MCM5: variants seen among roughly 807,000 people sequenced by gnomAD.
MCM5 encodes minichromosome maintenance complex component 5.
A neutral mutation model predicts 79.9 loss-of-function variants in MCM5; 46 were observed. The observed-to-expected ratio is 0.58, with a 90% CI of 0.45 to 0.74. MCM5 has a LOEUF of 0.74. Ranked by LOEUF, MCM5 falls within the 30% of genes least tolerant of loss-of-function variation. MCM5 has a pLI of 0.00. For missense variants in MCM5, 883 were observed against 1,017.0 expected (o/e 0.87, Z 1.79); for synonymous variants, 404 against 390.5 (o/e 1.03, Z -0.41).
the MCM5 span, among the ~76,000 whole-genome samples, chr22:35,432,458 G>A: frequency 3.9e-5 from 6 of 152,186 alleles, no homozygotes; most frequent in Non-Finnish European, 8.8e-5. Context: ...TTCTGTTCAC[G>A]GCCCCCACAC....
chr22:35,435,932 C>T, the MCM5 span, among the ~76,000 whole-genome samples: 2 of 152,052 alleles, frequency 1.3e-5, no homozygotes, highest in South Asian at 2.1e-4. Context: ...TTTGGGAGGC[C>T]GAGGCGGGCG....
intron 5 of MCM5, 69 bp downstream of exon 5, chr22:35,406,794 A>G (rs1932232140): frequency 1.3e-6 from 2 of 1,518,116 alleles, no homozygotes; most frequent in East Asian, 4.5e-5. Flanking sequence ...GAGAACAAGT[A>G]GCAAGCACTG....
the MCM5 span, among the ~76,000 whole-genome samples, chr22:35,448,053 T>TC: frequency 6.6e-6 from 1 of 152,126 alleles, no homozygotes; most frequent in Non-Finnish European, 1.5e-5. Context: ...TGGGGAACTG[T>TC]CCCCTCCTCC....
At chr22:35,421,127 CA>C (rs133430) in intron 14 of MCM5, among the ~76,000 whole-genome samples, 190 bp from the exon 15 acceptor site, 7,121 of 88,832 alleles carry the variant, frequency 0.08, 401 homozygotes, top group African/African-American at 0.26. Flanking sequence ...GACTTTGTCT[CA>C]AAAAAAAAAA....
intron 9 of MCM5, among the ~76,000 whole-genome samples, chr22:35,414,422 C>A (rs1932479585): frequency 6.6e-6 from 1 of 152,060 alleles, no homozygotes; most frequent in Non-Finnish European, 1.5e-5. Flanking sequence ...GAGTTTGAGA[C>A]CAGCCTGGAC....
chr22:35,408,667 G>C, intron 6 of MCM5, 104 bp downstream of exon 6: 2 of 1,253,058 alleles, frequency 1.6e-6, no homozygotes, highest in African/African-American at 3.0e-5. Context: ...GGGTGAGTAG[G>C]GTGGAGAAGG....
At chr22:35,409,090 G>T (rs1250325949) in intron 6 of MCM5, among the ~76,000 whole-genome samples, 1 of 152,196 alleles carries the variant, frequency 6.6e-6, no homozygotes, top group East Asian at 1.9e-4. Context: ...AGCCTCCCGA[G>T]TAGCTGGGAC....
chr22:35,404,555 C>T (rs1208412650), intron 4 of MCM5, among the ~76,000 whole-genome samples: 1 of 152,126 alleles, frequency 6.6e-6, no homozygotes, highest in African/African-American at 2.4e-5. Context: ...ACATACCGGG[C>T]AAGAACGCTT....
intron 6 of MCM5, chr22:35,410,021 C>T (rs913469511): frequency 1.3e-5 from 2 of 152,524 alleles, no homozygotes; most frequent in African/African-American, 4.8e-5. Context: ...CATGGAGTGA[C>T]GGTGATGGTC....
Position 35,421,357 on chromosome 22 carries a change from C to G in MCM5, c.1872C>G (p.Ser624Arg). 6.2e-7 allele frequency: 1 copy of G among 1,614,018 alleles called. No individual in the cohort carries two copies. Among genetic ancestry groups the G allele is most frequent in the Non-Finnish European group, 8.5e-7 (1 of 1,180,036 alleles). The change falls in exon 15 of 17, where the codon AGC becomes AGG. Residue 624 changes from serine to arginine, a missense_variant. Around this residue, in one of 3 missense-constraint regions of MCM5, gnomAD observed 426 missense variants for 482.3 expected, o/e 0.88. Coordinates refer to ENST00000216122, the MANE Select transcript of MCM5 (RefSeq NM_006739.4). ...TTGTGCGCATCGCGGAAGCCCTCAG[C>G]AAGATGAAGCTGCAGCCCTTCGCCA... Reference protein sequence around the residue: ...EAIVRIAEALSKMKLQPFATE... With the variant: ...EAIVRIAEALRKMKLQPFATE...
At chr22:35,438,260 C>G in the MCM5 span, among the ~76,000 whole-genome samples, 1 of 129,468 alleles carries the variant, frequency 7.7e-6, no homozygotes, top group Non-Finnish European at 1.7e-5. Context: ...TCCACCCACC[C>G]ACCCACCCAC....
At chr22:35,440,483 G>A in the MCM5 span, among the ~76,000 whole-genome samples, 2 of 152,196 alleles carry the variant, frequency 1.3e-5, no homozygotes, top group African/African-American at 4.8e-5. Flanking sequence ...GGTATGCCAG[G>A]TGCTACAGGG....
chr22:35,418,934 C>T (rs1448688901), intron 13 of MCM5, among the ~76,000 whole-genome samples: 2 of 152,214 alleles, frequency 1.3e-5, no homozygotes, highest in African/African-American at 4.8e-5. Flanking sequence ...CTGCTTGCCT[C>T]CAGAGGCTGT....
chr22:35,439,494 C>T, the MCM5 span, among the ~76,000 whole-genome samples: 1 of 143,476 alleles, frequency 7.0e-6, no homozygotes, highest in Non-Finnish European at 1.5e-5. Flanking sequence ...CATCCATCCA[C>T]CCGCCCACAT....
chr22:35,453,746 GAGAC>G, the MCM5 span, among the ~76,000 whole-genome samples: 86,079 of 143,344 alleles, frequency 0.6, 26,449 homozygotes, highest in Middle Eastern at 0.69. Flanking sequence ...GAGTGAATCA[GAGAC>G]AGACAGACAG....
intron 10 of MCM5, 99 bp downstream of exon 10, chr22:35,416,071 CAT>C: frequency 2.1e-6 from 3 of 1,451,264 alleles, no homozygotes; most frequent in African/African-American, 1.4e-5. Flanking sequence ...ACTTGGGAGA[CAT>C]GTTTTCAATC....
the MCM5 span, among the ~76,000 whole-genome samples, chr22:35,438,592 C>CACCCACCCACAT: frequency 3.8e-5 from 5 of 129,986 alleles, no homozygotes; most frequent in African/African-American, 1.7e-4. Flanking sequence ...TCCATCCATC[C>CACCCACCCACAT]ATGCATCCAC....
At chr22:35,436,168 A>AG in the MCM5 span, among the ~76,000 whole-genome samples, 1 of 110,590 alleles carries the variant, frequency 9.0e-6, no homozygotes, top group Non-Finnish European at 2.3e-5. Flanking sequence ...CAGTCTCAAA[A>AG]AAAAAAAAAA....
chr22:35,421,545 G>C (rs778133761), intron 15 of MCM5, 85 bp downstream of exon 15: 1 of 1,569,376 alleles, frequency 6.4e-7, no homozygotes, highest in Admixed American at 1.7e-5. Context: ...CCTGCTGGGG[G>C]CCTGCAGTGT....
Sources: gnomAD v4.1 joint callset for allele counts (sites outside exome capture counted in the v4.1 genomes callset) on GRCh38, gnomAD v4.1.1 for gene constraint, gnomAD v4.1.1 regional missense constraint, MANE v1.5 for transcripts, NCBI Gene and HGNC (gene_info 2026-07-23, HGNC 2026-07-21) for gene names.